CDH13: variants seen among roughly 807,000 people sequenced by gnomAD.
The protein encoded by CDH13 is cadherin 13.
In CDH13, 24 loss-of-function variants were observed where a neutral mutation model predicts 63.8. The observed-to-expected ratio is 0.38, with a 90% CI of 0.27 to 0.53. The LOEUF is 0.53. Among genes scored for constraint, CDH13 ranks in the 20% least tolerant of loss-of-function variants. CDH13 has a pLI of 0.85. For missense variants in CDH13, 1,049 were observed against 903.1 expected (o/e 1.16, Z -2.07); for synonymous variants, 503 against 355.3 (o/e 1.42, Z -4.67).
At chr16:82,805,841 T>G (rs1868620964) in intron 1 of CDH13, among the ~76,000 whole-genome samples, 1 of 152,178 alleles carries the variant, frequency 6.6e-6, no homozygotes, top group South Asian at 2.1e-4. Context: ...TGTGAAGGTA[T>G]GAATCTCCGG....
chr16:82,683,590 C>T (rs147051662), intron 1 of CDH13, among the ~76,000 whole-genome samples: 1 of 152,300 alleles, frequency 6.6e-6, no homozygotes, highest in African/African-American at 2.4e-5. Flanking sequence ...CAGCAGCTCT[C>T]AAGGGGTAAG....
rs548679386 is a variant in CDH13 at position 82,789,121 on chromosome 16, G to C, written c.46-69241G>C. Among the ~76,000 whole-genome samples the C allele has an allele frequency of 7.2e-4, 109 of 152,220 alleles. 1 individual carries two copies. Among genetic ancestry groups the C allele is most frequent in the African/African-American group, 2.5e-3 (105 of 41,538 alleles). ...AGGCAATTTTCACCTTTTTCCATTT[G>C]TCTTGGAATTTCACACCCCACCCCA... On this transcript the variant is annotated intron_variant, in intron 1 of 13. Coordinates refer to ENST00000567109, the MANE Select transcript of CDH13 (RefSeq NM_001257.5).
chr16:83,011,088 A>C (rs2151436654), intron 2 of CDH13, among the ~76,000 whole-genome samples: 1 of 152,286 alleles, frequency 6.6e-6, no homozygotes, highest in Non-Finnish European at 1.5e-5. Context: ...ATGCTCATGG[A>C]ACACAGCACA....
At chr16:83,741,166 G>T (rs1363759722) in intron 10 of CDH13, among the ~76,000 whole-genome samples, 2 of 152,150 alleles carry the variant, frequency 1.3e-5, no homozygotes, top group African/African-American at 4.8e-5. Flanking sequence ...CATACATTTT[G>T]TCAGAAGATT....
chr16:82,922,028 C>A (rs2042171763), intron 2 of CDH13, among the ~76,000 whole-genome samples: 1 of 152,138 alleles, frequency 6.6e-6, no homozygotes, highest in South Asian at 2.1e-4. Context: ...TCTATTTCAT[C>A]TAAATAGTCT....
chr16:83,303,710 AG>A (rs1215030256), intron 5 of CDH13, among the ~76,000 whole-genome samples: 1 of 152,144 alleles, frequency 6.6e-6, no homozygotes, highest in Admixed American at 6.6e-5. Context: ...ATGAAGGAAT[AG>A]GGGGAAGGTC....
intron 8 of CDH13, among the ~76,000 whole-genome samples, chr16:83,657,501 A>G (rs1466745826): frequency 6.6e-6 from 1 of 152,230 alleles, no homozygotes; most frequent in Non-Finnish European, 1.5e-5. Context: ...ATCTATGCTC[A>G]GGATGACAGC....
chr16:83,130,611 C>G (rs12102847), intron 4 of CDH13, among the ~76,000 whole-genome samples: 47,779 of 151,992 alleles, frequency 0.31, 7,666 homozygotes, highest in Middle Eastern at 0.39. Context: ...TGGGTACTTG[C>G]TGTACAATTC....
rs1227411816 is a variant in CDH13 at position 83,795,270 on chromosome 16, A to G, written c.*240A>G. 23 of 521,332 alleles carry G rather than the reference A, an allele frequency of 4.4e-5. No homozygotes were observed. The highest frequency in any genetic ancestry group is 1.2e-4 in the South Asian group (5 of 41,478). The allele number at this position is 521,332 out of a possible 1,614,324, so 32.3% of individuals were successfully genotyped here. ...AATTTTCCCTGAATGTTTAAAGATC[A>G]TGACATATGACTTGATCTTCTGGGA... On this transcript the variant is annotated 3_prime_UTR_variant, in exon 14 of 14. Transcript: ENST00000567109.
intron 3 of CDH13, among the ~76,000 whole-genome samples, chr16:83,064,944 C>T (rs1020645089): frequency 6.6e-6 from 1 of 152,076 alleles, no homozygotes; most frequent in African/African-American, 2.4e-5. Flanking sequence ...GCAATAGTCT[C>T]AAAACCTCTT....
At position 83,394,561 on chromosome 16, in the gene CDH13, G is replaced by A. The variant is rs572138195; in HGVS notation, c.781+49555G>A. Among the ~76,000 whole-genome samples the A allele has an allele frequency of 9.2e-5, 14 of 152,294 alleles. No homozygotes were observed. In the South Asian group the frequency reaches 2.7e-3, roughly 29 times the overall value. ...GCAGATCACATCCAACTGTGCAGGCGTAGTAAAGAACCCAGCGTTTACTCA... is the reference window on the plus strand; with the variant it reads ...GCAGATCACATCCAACTGTGCAGGCATAGTAAAGAACCCAGCGTTTACTCA... On this transcript the variant is annotated intron_variant, in intron 6 of 13. Coordinates refer to ENST00000567109, the MANE Select transcript of CDH13 (RefSeq NM_001257.5).
At chr16:82,654,101 C>T (rs1169764771) in intron 1 of CDH13, among the ~76,000 whole-genome samples, 1 of 152,088 alleles carries the variant, frequency 6.6e-6, no homozygotes, top group Admixed American at 6.5e-5. Context: ...TTAGTCATTG[C>T]AAAAACATCT....
chr16:82,701,230 A>G (rs777992971), intron 1 of CDH13, among the ~76,000 whole-genome samples: 21 of 152,062 alleles, frequency 1.4e-4, no homozygotes, highest in Non-Finnish European at 2.5e-4. Context: ...TCTCAAATCC[A>G]CATCTCCTTT....
intron 4 of CDH13, among the ~76,000 whole-genome samples, chr16:83,131,355 A>G (rs1406799721): frequency 2.0e-5 from 3 of 152,340 alleles, no homozygotes; most frequent in African/African-American, 7.2e-5. Context: ...CCAGTCGTGA[A>G]CATACTTGCT....
chr16:83,092,481 C>A (rs184619572), intron 3 of CDH13, among the ~76,000 whole-genome samples: 1 of 152,174 alleles, frequency 6.6e-6, no homozygotes, highest in African/African-American at 2.4e-5. Flanking sequence ...AACTAGAGTT[C>A]GTTAACTTGT....
At chr16:83,631,702 G>A (rs2150794269) in intron 8 of CDH13, among the ~76,000 whole-genome samples, 1 of 152,166 alleles carries the variant, frequency 6.6e-6, no homozygotes, top group African/African-American at 2.4e-5. Context: ...ACAAAATGTT[G>A]ATGAGGGGAG....
intron 11 of CDH13, among the ~76,000 whole-genome samples, chr16:83,769,500 T>C (rs1003316003): frequency 6.6e-6 from 1 of 152,208 alleles, no homozygotes; most frequent in Non-Finnish European, 1.5e-5. Flanking sequence ...GCTTTAAGTG[T>C]GCTGCTTCAT....
At chr16:82,793,799 C>T (rs1051712071) in intron 1 of CDH13, among the ~76,000 whole-genome samples, 3 of 152,104 alleles carry the variant, frequency 2.0e-5, no homozygotes, top group Admixed American at 6.5e-5. Flanking sequence ...GATTAGAAGG[C>T]TTAGAGATGA....
At chr16:83,426,509 TCACACACACA>T (rs10545707) in intron 6 of CDH13, among the ~76,000 whole-genome samples, 7 of 146,606 alleles carry the variant, frequency 4.8e-5, no homozygotes, top group Non-Finnish European at 9.0e-5. Context: ...ATGGAAACAA[TCACACACACA>T]CACACACACA....
Sources: gnomAD v4.1 joint callset for allele counts (sites outside exome capture counted in the v4.1 genomes callset) on GRCh38, gnomAD v4.1.1 for gene constraint, MANE v1.5 for transcripts, NCBI Gene and HGNC (gene_info 2026-07-23, HGNC 2026-07-21) for gene names.